The following RNGTT variants were observed in gnomAD, a reference collection of about 807,000 sequenced individuals.
RNGTT encodes the protein RNA guanylyltransferase and 5'-phosphatase.
RNGTT carries 33 observed loss-of-function variants against 79.3 expected under a neutral mutation model. The observed-to-expected ratio is 0.42, with a 90% CI of 0.32 to 0.56. The LOEUF is 0.56. Among genes scored for constraint, RNGTT ranks in the 20% least tolerant of loss-of-function variants. The pLI, the probability that RNGTT is intolerant of heterozygous loss-of-function variation, is 0.17. For missense variants in RNGTT, 497 were observed against 739.1 expected, an observed-to-expected ratio of 0.67 and a Z score of 3.80; for synonymous variants, 222 against 235.9, an observed-to-expected ratio of 0.94 and a Z score of 0.54.
intron 13 of RNGTT, among the ~76,000 whole-genome samples, chr6:88,688,608 G>A (rs1241634814): frequency 6.6e-6 from 1 of 152,186 alleles, no homozygotes; most frequent in East Asian, 1.9e-4. Flanking sequence ...ACTGAAAAAT[G>A]ATGGAAAGCA....
At chr6:88,744,171 TA>T (rs1360233550) in intron 13 of RNGTT, among the ~76,000 whole-genome samples, 1 of 152,292 alleles carries the variant, frequency 6.6e-6, no homozygotes, top group East Asian at 1.9e-4. Context: ...CATAAGGAAA[TA>T]AAACAGCTTT....
rs567373246 is a variant in RNGTT at position 88,664,024 on chromosome 6, A to G, written c.1506+14329T>C. 2.4e-4 allele frequency among the ~76,000 whole-genome samples: 37 copies of G among 152,238 alleles called. No homozygotes were observed. The South Asian group carries it at 5.6e-3, about 23-fold the overall frequency. ...CTCTTTAACACGGATGAGGGAGGAG[A>G]GTGCTCGAGGTAGCAACTAAGTGGC... On this transcript the variant is annotated intron_variant, in intron 14 of 15. Coordinates refer to ENST00000369485, the MANE Select transcript of RNGTT (RefSeq NM_003800.5).
chr6:88,929,207 T>G lies in RNGTT; in HGVS notation c.235A>C (p.Ile79Leu). The G allele has an allele frequency of 6.2e-7, 1 of 1,610,656 alleles. No homozygotes were observed. The highest frequency in any genetic ancestry group is 1.1e-5 in the South Asian group (1 of 90,556). The change falls in exon 3 of 16, where the codon ATA becomes CTA. Residue 79 changes from isoleucine (I) to leucine (L), a missense_variant. This residue lies in a region of RNGTT where 440 missense variants were observed against 671.5 expected (regional missense o/e 0.66). Transcript: ENST00000369485. ...ATATATTTGATTCCTTCTTTTTCTA[T>G]GTCATTTCGGTCATAGAACCTTGAA... The part of the protein sequence containing the change: ...NTSRFYDRND[I>L]EKEGIKYIKL...
chr6:88,884,770 T>C (rs999279839), intron 8 of RNGTT, among the ~76,000 whole-genome samples: 6 of 152,166 alleles, frequency 3.9e-5, no homozygotes, highest in African/African-American at 1.4e-4. Flanking sequence ...AATAATTAAG[T>C]AACTTTGGAA....
In RNGTT at chr6:88,891,814, G is replaced by A. The variant is rs201363273; in HGVS notation, c.786C>T (p.Gly262=). The A allele has an allele frequency of 2.5e-5, 39 of 1,562,992 alleles. No individual in the cohort carries two copies. Among genetic ancestry groups the A allele is most frequent in the Admixed American group, 7.7e-5 (4 of 52,104 alleles). Residue 262 remains glycine, a synonymous_variant, in exon 7 of 16, where the codon GGC becomes GGT. Coordinates refer to ENST00000369485, the MANE Select transcript of RNGTT (RefSeq NM_003800.5). Reference sequence around the variant, plus strand: ...TTAAAAATATTTATTACCCTTCCCAGCCACAGAATTGATGACACTTCTGCT... The same window carrying A: ...TTAAAAATATTTATTACCCTTCCCAACCACAGAATTGATGACACTTCTGCT... ...EVQQKCHQFC[G]WEGSGFPGAQ... is the part of the protein sequence containing the mutation.
At chr6:88,806,377 G>T (rs1023822244) in intron 11 of RNGTT, among the ~76,000 whole-genome samples, 1 of 150,950 alleles carries the variant, frequency 6.6e-6, no homozygotes, top group African/African-American at 2.4e-5. Flanking sequence ...GAGTGCAGTG[G>T]CACAGTCTCG....
chr6:88,927,072 T>G (rs1302163008), intron 4 of RNGTT, among the ~76,000 whole-genome samples: 1 of 152,116 alleles, frequency 6.6e-6, no homozygotes, highest in African/African-American at 2.4e-5. Flanking sequence ...ACAAAAAAAT[T>G]TGATGAAAAA....
At chr6:88,674,038 A>G (rs1294249092) in intron 14 of RNGTT, among the ~76,000 whole-genome samples, 1 of 152,222 alleles carries the variant, frequency 6.6e-6, no homozygotes, top group Non-Finnish European at 1.5e-5. Context: ...AATCTTGCCA[A>G]TTCCCCTCAT....
intron 13 of RNGTT, among the ~76,000 whole-genome samples, chr6:88,704,582 C>T (rs998316161): frequency 1.3e-5 from 2 of 151,828 alleles, no homozygotes; most frequent in Admixed American, 6.6e-5. Context: ...AATTTTTTTC[C>T]ACTTAATAAA....
intron 14 of RNGTT, among the ~76,000 whole-genome samples, chr6:88,628,693 A>G (rs556070808): frequency 2.6e-4 from 40 of 152,310 alleles, no homozygotes; most frequent in African/African-American, 9.4e-4. Flanking sequence ...TATCCTTTTT[A>G]TAATAATGAG....
chr6:88,737,495 GT>G (rs1428823378), intron 13 of RNGTT, among the ~76,000 whole-genome samples: 1 of 152,162 alleles, frequency 6.6e-6, no homozygotes, highest in African/African-American at 2.4e-5. Flanking sequence ...CTGAATGTCT[GT>G]CCCCCCTCCC....
At chr6:88,903,997 A>G (rs1433931166) in intron 6 of RNGTT, among the ~76,000 whole-genome samples, 1 of 152,166 alleles carries the variant, frequency 6.6e-6, no homozygotes, top group Non-Finnish European at 1.5e-5. Flanking sequence ...TCTTGATTTA[A>G]TTTTATGGAA....
rs1562201379 is a variant in RNGTT, at chr6:88,697,928, GATATATATATGAAATACATATATATGAT to G, written c.1440-19537_1440-19510del. ...ATATATATATGAAATACATATATAT[GATATATATATGAAATACATATATATGAT>G]ATATATATATGAAATACATATATAT... On this transcript the variant is annotated intron_variant, in intron 13 of 15. Transcript: ENST00000369485. Among the ~76,000 whole-genome samples, 41 of 107,280 alleles carry G rather than the reference GATATATATATGAAATACATATATATGAT, an allele frequency of 3.8e-4. 2 individuals are homozygous for G. Among genetic ancestry groups the G allele is most frequent in the East Asian group, 1.1e-3 (5 of 4,470 alleles). The allele number at this position is 107,280 out of a possible 152,430, so 70.4% of individuals were successfully genotyped here.
At chr6:88,724,261 C>CT (rs1385346521) in intron 13 of RNGTT, among the ~76,000 whole-genome samples, 1 of 152,190 alleles carries the variant, frequency 6.6e-6, no homozygotes. Context: ...CCCAGAGCAA[C>CT]TTCCAGTCCT....
chr6:88,816,495 A>G (rs991774360), intron 11 of RNGTT, among the ~76,000 whole-genome samples: 1 of 152,234 alleles, frequency 6.6e-6, no homozygotes, highest in African/African-American at 2.4e-5. Context: ...AGAAAAAAGA[A>G]TGAACAGAAC....
chr6:88,613,517 A>T (rs1562148936), intron 15 of RNGTT, among the ~76,000 whole-genome samples: 1 of 152,256 alleles, frequency 6.6e-6, no homozygotes, highest in Non-Finnish European at 1.5e-5. Context: ...GTACAACAGT[A>T]ACTTTTAAAC....
chr6:88,690,338 C>T (rs923368296), intron 13 of RNGTT, among the ~76,000 whole-genome samples: 4 of 151,696 alleles, frequency 2.6e-5, no homozygotes, highest in Non-Finnish European at 5.9e-5. Context: ...GGGGAAACCA[C>T]GTGAAAGATA....
In RNGTT at chr6:88,951,243, G is replaced by A. The variant is rs1366576696; in HGVS notation, c.65-10063C>T. Among the ~76,000 whole-genome samples the A allele has an allele frequency of 4.1e-4, 63 of 152,172 alleles. 1 individual carries two copies. The highest frequency in any genetic ancestry group is 4.1e-3 in the Admixed American group (63 of 15,288). On this transcript the variant is annotated intron_variant, in intron 1 of 15. Coordinates refer to ENST00000369485, the MANE Select transcript of RNGTT (RefSeq NM_003800.5). ...ATAAAACTTTAACAGATGAGGAGTT[G>A]CTTCTTACAAATGAGCAAAGTGGTT... is the stretch of plus-strand genomic sequence containing the variant.
intron 12 of RNGTT, among the ~76,000 whole-genome samples, chr6:88,770,091 C>A (rs1390225666): frequency 6.6e-6 from 1 of 152,046 alleles, no homozygotes; most frequent in Non-Finnish European, 1.5e-5. Flanking sequence ...TTGTGAAAGT[C>A]CAGAAAAAGA....
Sources: allele counts gnomAD v4.1 joint callset (sites outside exome capture counted in the v4.1 genomes callset), GRCh38; gene constraint gnomAD v4.1.1; regional missense constraint gnomAD v4.1.1; transcripts MANE v1.5; gene names NCBI Gene and HGNC (gene_info 2026-07-23, HGNC 2026-07-21).